The following ABCB5 variants were observed in gnomAD, a reference collection of about 807,000 sequenced individuals.
ABCB5 encodes ATP-binding cassette sub-family B member 5.
Under a neutral mutation model 144.2 loss-of-function variants are expected in ABCB5, and 155 were observed. The observed-to-expected ratio is 1.08, with a 90% CI of 0.94 to 1.23. The LOEUF is 1.23. ABCB5 is among the 50% of genes most tolerant of loss of function. The probability of loss-of-function intolerance (pLI) is 0.00; values close to 1 mark genes in which losing one functional copy is unlikely to be tolerated. For synonymous variants in ABCB5, 610 were observed against 528.6 expected, an observed-to-expected ratio of 1.15 and a Z score of -2.11; for missense variants, 1,830 against 1,520.8, an observed-to-expected ratio of 1.20 and a Z score of -3.38.
chr7:20,741,493 G>A (rs564031467), intron 24 of ABCB5, among the ~76,000 whole-genome samples: 110 of 151,760 alleles, frequency 7.2e-4, no homozygotes, highest in Non-Finnish European at 1.1e-3. Flanking sequence ...GTTGTAGGGG[G>A]CAAATGGAAA....
rs574592723 is a variant in ABCB5, at chr7:20,717,883, C to CTTTTTTTTTTT, written c.2422-5107_2422-5097dup. On this transcript the variant is annotated intron_variant, in intron 20 of 27. Transcript: ENST00000404938. ...AATACGGTAACATTCTTGTAACATT[C>CTTTTTTTTTTT]TTTTTTTTTTTTTTTTTTTTTTTTT... is the stretch of plus-strand genomic sequence containing the variant. Among the ~76,000 whole-genome samples the CTTTTTTTTTTT allele has an allele frequency of 1.8e-4, 8 of 43,272 alleles. 2 individuals are homozygous for CTTTTTTTTTTT. The highest frequency in any genetic ancestry group is 2.9e-4 in the African/African-American group (4 of 13,666). 28.4% of individuals were successfully genotyped at this position (43,272 alleles called of 152,430 possible). A position where few individuals can be genotyped will look rare whatever the true frequency, so the allele number is the denominator to read the frequency against.
At chr7:20,739,200 C>T (rs1782485942) in intron 24 of ABCB5, 61 bp downstream of exon 24, 1 of 1,454,162 alleles carries the variant, frequency 6.9e-7, no homozygotes. Flanking sequence ...AACTGGGGGC[C>T]ACTGAAGATG....
chr7:20,673,432 T>G (rs1487653542), intron 14 of ABCB5, among the ~76,000 whole-genome samples: 2 of 152,048 alleles, frequency 1.3e-5, no homozygotes, highest in East Asian at 3.8e-4. Context: ...GTCATGTATT[T>G]TAGAACTGTG....
In ABCB5 at chr7:20,678,294, T is replaced by C. The variant is rs371416938; in HGVS notation, c.1708-3211T>C. ...TGCTTTGGGAGGTTCCCTTCTCTTA[T>C]AGATTTGGAAAAAAGTTTGAAAGAA... On this transcript the variant is annotated intron_variant, in intron 14 of 27. Transcript: ENST00000404938. Among the ~76,000 whole-genome samples the C allele has an allele frequency of 5.9e-5, 9 of 152,308 alleles. No individual in the cohort carries two copies. In the South Asian group the frequency reaches 1.2e-3, roughly 21 times the overall value.
At chr7:20,700,884 T>G (rs1786597021) in intron 19 of ABCB5, among the ~76,000 whole-genome samples, 1 of 152,214 alleles carries the variant, frequency 6.6e-6, no homozygotes, top group Admixed American at 6.5e-5. Flanking sequence ...GCCAAGGTGA[T>G]TTCTTTTCAG....
chr7:20,667,847 G>T (rs1245255016), intron 14 of ABCB5, among the ~76,000 whole-genome samples: 1 of 150,054 alleles, frequency 6.7e-6, no homozygotes, highest in African/African-American at 2.4e-5. Context: ...TCAGCCTGCC[G>T]AGTGCCTGCG....
chr7:20,628,840 T>G lies in ABCB5; in HGVS notation c.259+2T>G. On this transcript the variant is annotated splice_donor_variant, in intron 4 of 27. Transcript: ENST00000404938. LOFTEE classifies it high-confidence loss of function. ...GATGTCTAGTCCAAACTAACACAAG[T>G]GAGTATACGATTATTTTTCTGTATC... is the stretch of plus-strand genomic sequence containing the variant. 1 of 1,613,244 alleles carries G rather than the reference T, an allele frequency of 6.2e-7. No homozygotes were observed. The highest frequency in any genetic ancestry group is 8.5e-7 in the Non-Finnish European group (1 of 1,179,604).
Position 20,756,364 on chromosome 7 carries a change from C to G in ABCB5, c.*740C>G, listed in dbSNP as rs141089246. On this transcript the variant is annotated 3_prime_UTR_variant, in exon 28 of 28. Coordinates refer to ENST00000404938, the MANE Select transcript of ABCB5 (RefSeq NM_001163941.2). ...CTTAAAATAAGAGCTACTTTTGGGCCGGGTGCGGTGGCTCACGCCTGTAAT... is the reference window on the plus strand; with the variant it reads ...CTTAAAATAAGAGCTACTTTTGGGCGGGGTGCGGTGGCTCACGCCTGTAAT... 6.6e-6 allele frequency: 1 copy of G among 152,260 alleles called. No homozygotes were observed. Among genetic ancestry groups the G allele is most frequent in the Non-Finnish European group, 1.5e-5 (1 of 68,044 alleles). The allele number at this position is 152,260 out of a possible 1,614,324, so 9.4% of individuals were successfully genotyped here.
chr7:20,634,240 G>GTGTGTA (rs1784103224), intron 5 of ABCB5, among the ~76,000 whole-genome samples: 1 of 140,036 alleles, frequency 7.1e-6, no homozygotes. Flanking sequence ...ATTCCATGTT[G>GTGTGTA]TGTGTGTGTG....
intron 23 of ABCB5, among the ~76,000 whole-genome samples, chr7:20,730,038 A>G (rs1176730603): frequency 1.3e-5 from 2 of 152,236 alleles, no homozygotes; most frequent in East Asian, 3.8e-4. Context: ...TTATTTATTT[A>G]TTAAGCATTA....
At chr7:20,716,775 A>G (rs1376699278) in intron 20 of ABCB5, among the ~76,000 whole-genome samples, 1 of 152,202 alleles carries the variant, frequency 6.6e-6, no homozygotes, top group African/African-American at 2.4e-5. Flanking sequence ...TCATTTCCCT[A>G]GAAGAGAAAC....
At chr7:20,666,089 G>C (rs1785183784) in intron 14 of ABCB5, among the ~76,000 whole-genome samples, 2 of 151,314 alleles carry the variant, frequency 1.3e-5, no homozygotes, top group Admixed American at 1.3e-4. Context: ...AGAATCGCTT[G>C]AACCCAGGAG....
chr7:20,671,545 A>G (rs939548720), intron 14 of ABCB5, among the ~76,000 whole-genome samples: 1 of 152,170 alleles, frequency 6.6e-6, no homozygotes, highest in African/African-American at 2.4e-5. Context: ...TATTTTCTAG[A>G]ACTTTATATA....
At chr7:20,642,948 C>A (rs1047586012) in intron 5 of ABCB5, among the ~76,000 whole-genome samples, 2 of 152,036 alleles carry the variant, frequency 1.3e-5, no homozygotes, top group Admixed American at 1.3e-4. Context: ...ATATAAGTAG[C>A]AAGAATGTTT....
At chr7:20,647,725 C>A in intron 10 of ABCB5, 77 bp downstream of exon 10, 1 of 1,519,202 alleles carries the variant, frequency 6.6e-7, no homozygotes, top group South Asian at 1.3e-5. Context: ...CCCTCATTTT[C>A]ACTAAAACAA....
chr7:20,754,023 T>C (rs570828610), intron 27 of ABCB5, among the ~76,000 whole-genome samples: 7 of 152,372 alleles, frequency 4.6e-5, no homozygotes, highest in Non-Finnish European at 2.9e-5. Context: ...GATTTTGCTA[T>C]GTCCTTATCC....
chr7:20,686,053 G>A (rs1444195604), intron 16 of ABCB5, among the ~76,000 whole-genome samples: 2 of 151,620 alleles, frequency 1.3e-5, no homozygotes, highest in Non-Finnish European at 2.9e-5. Flanking sequence ...TCTTTATTGG[G>A]GAAAAAAAAA....
intron 26 of ABCB5, among the ~76,000 whole-genome samples, chr7:20,746,287 A>AG (rs1782719991): frequency 6.6e-6 from 1 of 151,818 alleles, no homozygotes; most frequent in Non-Finnish European, 1.5e-5. Context: ...TTAGTAGAGA[A>AG]GGGGTTTCTC....
At chr7:20,665,282 C>T (rs921872975) in intron 14 of ABCB5, among the ~76,000 whole-genome samples, 1 of 152,082 alleles carries the variant, frequency 6.6e-6, no homozygotes, top group African/African-American at 2.4e-5. Flanking sequence ...TTCTAAGTTC[C>T]TGATATTTTG....
Sources: gnomAD v4.1 joint callset for allele counts (sites outside exome capture counted in the v4.1 genomes callset) on GRCh38, gnomAD v4.1.1 for gene constraint, MANE v1.5 for transcripts, NCBI Gene and HGNC (gene_info 2026-07-23, HGNC 2026-07-21) for gene names.